HABP2: variants seen among roughly 807,000 people sequenced by gnomAD.
The protein encoded by HABP2 is factor VII-activating protease.
HABP2 carries 65 observed loss-of-function variants against 66.5 expected under a neutral mutation model. The ratio of observed to expected loss-of-function variants is 0.98; its 90% CI spans 0.80 to 1.20. The LOEUF (loss-of-function observed/expected upper bound fraction) is 1.20, where lower values mean the gene tolerates loss of function less well. HABP2 is among the 50% of genes most tolerant of loss of function. The pLI, the probability that HABP2 is intolerant of heterozygous loss-of-function variation, is 0.00. For synonymous variants in HABP2, 263 were observed against 253.9 expected, an observed-to-expected ratio of 1.04 and a Z score of -0.34; for missense variants, 786 against 691.0, an observed-to-expected ratio of 1.14 and a Z score of -1.54.
intron 1 of HABP2, among the ~76,000 whole-genome samples, chr10:113,565,432 A>G (rs2900985): frequency 0.33 from 49,527 of 152,060 alleles, 9,388 homozygotes; most frequent in East Asian, 0.51. Flanking sequence ...ACTCATGGCA[A>G]AAGGGAAAGG....
At chr10:113,576,028 C>A in intron 4 of HABP2, 24 bp downstream of exon 4, 1 of 1,209,508 alleles carries the variant, frequency 8.3e-7, no homozygotes, top group Non-Finnish European at 1.2e-6. Flanking sequence ...CACTAGTCCA[C>A]TCTTCCCTCT....
At chr10:113,579,014 T>C (rs1845469948) in intron 7 of HABP2, among the ~76,000 whole-genome samples, 1 of 151,778 alleles carries the variant, frequency 6.6e-6, no homozygotes, top group Non-Finnish European at 1.5e-5. Context: ...CCTAGCACTT[T>C]CAGAGGCTGA....
intron 1 of HABP2, among the ~76,000 whole-genome samples, chr10:113,565,189 C>T (rs1311591248): frequency 2.0e-5 from 3 of 152,218 alleles, no homozygotes; most frequent in Non-Finnish European, 4.4e-5. Flanking sequence ...ACTACAATAC[C>T]ATTGTTTACT....
chr10:113,577,018 C>T (rs1845424023), intron 4 of HABP2, 132 bp from the exon 5 acceptor site: 1 of 679,694 alleles, frequency 1.5e-6, no homozygotes, highest in African/African-American at 1.8e-5. Context: ...CCTGGCATAG[C>T]CCAGTGTTTC....
In HABP2 at chr10:113,588,413, T is replaced by TGACA. The variant is rs1293057600; in HGVS notation, c.*45_*48dup. ...TCAGAGCCCACTCTCCTTGGCACCC[T>TGACA]GACACCGGGAGGCCTCATGGCCAAC... On this transcript the variant is annotated 3_prime_UTR_variant, in exon 13 of 13. Coordinates refer to ENST00000351270, the MANE Select transcript of HABP2 (RefSeq NM_004132.5). 2.6e-6 allele frequency: 4 copies of TGACA among 1,524,070 alleles called. No homozygotes were observed. The highest frequency in any genetic ancestry group is 3.6e-6 in the Non-Finnish European group (4 of 1,118,714). The allele number at this position is 1,524,070 out of a possible 1,614,324, so 94.4% of individuals were successfully genotyped here. A position where few individuals can be genotyped will look rare whatever the true frequency, so the allele number is the denominator to read the frequency against.
intron 1 of HABP2, among the ~76,000 whole-genome samples, chr10:113,558,074 G>T (rs11575699): frequency 6.6e-6 from 1 of 152,146 alleles, no homozygotes; most frequent in African/African-American, 2.4e-5. Context: ...TGGTATCAAA[G>T]GTGTCAAAAT....
At chr10:113,576,656 C>G (rs1392260689) in intron 4 of HABP2, among the ~76,000 whole-genome samples, 8 of 152,010 alleles carry the variant, frequency 5.3e-5, no homozygotes, top group Admixed American at 6.6e-5. Context: ...GGAAGTGGGG[C>G]CTTAGGTATA....
At chr10:113,575,173 C>T (rs144199657) in intron 3 of HABP2, among the ~76,000 whole-genome samples, 2 of 152,254 alleles carry the variant, frequency 1.3e-5, no homozygotes, top group Admixed American at 6.5e-5. Flanking sequence ...CATGGGGGAA[C>T]ATCAGAAGGG....
At chr10:113,580,523 C>G in intron 7 of HABP2, 72 bp from the exon 8 acceptor site, 2 of 823,754 alleles carry the variant, frequency 2.4e-6, no homozygotes, top group East Asian at 2.4e-5. Flanking sequence ...ACCTTCTTAT[C>G]CAAAGGTTCT....
intron 5 of HABP2, among the ~76,000 whole-genome samples, 183 bp downstream of exon 5, chr10:113,577,449 G>A (rs1845431757): frequency 6.6e-6 from 1 of 152,272 alleles, no homozygotes; most frequent in Non-Finnish European, 1.5e-5. Context: ...GAATTGACTG[G>A]TCTGTGTCCC....
At chr10:113,576,156 C>G in intron 4 of HABP2, 152 bp downstream of exon 4, 1 of 600,082 alleles carries the variant, frequency 1.7e-6, no homozygotes. Context: ...TCCCAGGCAG[C>G]CTCTCACTGG....
chr10:113,580,875 G>A (rs746688105), intron 8 of HABP2, among the ~76,000 whole-genome samples, 183 bp downstream of exon 8: 1 of 152,198 alleles, frequency 6.6e-6, no homozygotes, highest in Admixed American at 6.5e-5. Context: ...AAGCAGGTCT[G>A]GATACCTTTG....
intron 1 of HABP2, among the ~76,000 whole-genome samples, chr10:113,553,498 C>A (rs1272471962): frequency 1.3e-5 from 2 of 152,218 alleles, no homozygotes; most frequent in African/African-American, 2.4e-5. Flanking sequence ...ATCTCATAGA[C>A]CCCTTTGAGA....
At chr10:113,561,247 T>A (rs955416087) in intron 1 of HABP2, among the ~76,000 whole-genome samples, 5 of 152,162 alleles carry the variant, frequency 3.3e-5, no homozygotes, top group African/African-American at 1.2e-4. Context: ...AATCCAGTGA[T>A]GATTTCAACT....
At chr10:113,557,054 C>T (rs530066651) in intron 1 of HABP2, among the ~76,000 whole-genome samples, 60 of 152,192 alleles carry the variant, frequency 3.9e-4, no homozygotes, top group Admixed American at 7.9e-4. Flanking sequence ...ATTGACTTAT[C>T]GGACCAAGTT....
rs759973772 is a variant in HABP2 at position 113,580,616 on chromosome 10, G to A, written c.762G>A (p.Lys254=). The change falls in exon 8 of 13, where the codon AAG becomes AAA. Residue 254 remains lysine, a synonymous_variant. Transcript: ENST00000351270. ...TTAGAAACCCAGATGCGGACGAAAA[G>A]CCCTGGTGCTTTATTAAAGTTACCA... ...NFCRNPDADE[K]PWCFIKVTND... 1.9e-6 allele frequency: 3 copies of A among 1,590,266 alleles called. No homozygotes were observed. Among genetic ancestry groups the A allele is most frequent in the Admixed American group, 1.7e-5 (1 of 59,992 alleles).
rs781214826 is a variant in HABP2 at position 113,588,917 on chromosome 10, C to G, written c.*548C>G. ...TTGCCGAAATCAAAGCCATCTGAAG[C>G]CTGTCTCTGGTGAACAAACTTCCTC... On this transcript the variant is annotated 3_prime_UTR_variant, in exon 13 of 13. Transcript: ENST00000351270. 1.1e-5 allele frequency: 15 copies of G among 1,371,982 alleles called. No individual in the cohort carries two copies. The highest frequency in any genetic ancestry group is 1.6e-5 in the Non-Finnish European group (15 of 963,148). 85.0% of individuals were successfully genotyped at this position (1,371,982 alleles called of 1,614,324 possible).
At chr10:113,569,438 T>C (rs911100295) in intron 2 of HABP2, among the ~76,000 whole-genome samples, 1 of 152,238 alleles carries the variant, frequency 6.6e-6, no homozygotes, top group Admixed American at 6.5e-5. Context: ...ATGGTATTTG[T>C]CAGCTCCCTG....
intron 11 of HABP2, among the ~76,000 whole-genome samples, chr10:113,585,078 G>A (rs1845609320): frequency 6.6e-6 from 1 of 152,180 alleles, no homozygotes; most frequent in South Asian, 2.1e-4. Context: ...CCACATATCT[G>A]AACAAAGTGA....
Sources: allele counts gnomAD v4.1 joint callset (sites outside exome capture counted in the v4.1 genomes callset), GRCh38; gene constraint gnomAD v4.1.1; transcripts MANE v1.5; gene names NCBI Gene and HGNC (gene_info 2026-07-23, HGNC 2026-07-21).